Variants in SOX6 observed in about 807,000 individuals in gnomAD.
SOX6 encodes transcription factor SOX-6.
A neutral mutation model predicts 97.8 loss-of-function variants in SOX6; 11 were observed. The ratio of observed to expected loss-of-function variants is 0.11; its 90% CI spans 0.07 to 0.19. The LOEUF (loss-of-function observed/expected upper bound fraction) is 0.19. SOX6 is among the 10% of genes least tolerant of loss of function. The probability of loss-of-function intolerance (pLI) is 1.00; values close to 1 mark genes in which losing one functional copy is unlikely to be tolerated. For missense variants in SOX6, 810 were observed against 1,039.5 expected (o/e 0.78, Z 3.04); for synonymous variants, 360 against 371.4 (o/e 0.97, Z 0.35).
At chr11:16,706,472 ATATATAT>A (rs1399314278) in intron 3 of SOX6, among the ~76,000 whole-genome samples, 3 of 16,510 alleles carry the variant, frequency 1.8e-4, no homozygotes, top group African/African-American at 1.4e-3. Flanking sequence ...AAAAAAAAAA[ATATATAT>A]ATATATATAT....
intron 4 of SOX6, 137 bp downstream of exon 4, chr11:16,234,444 TA>T: frequency 1.8e-6 from 1 of 560,524 alleles, no homozygotes; most frequent in Non-Finnish European, 3.1e-6. Context: ...CAGAAACCTA[TA>T]ATATTCACCC....
intron 3 of SOX6, among the ~76,000 whole-genome samples, chr11:16,292,507 GA>G (rs1204726081): frequency 6.6e-6 from 1 of 151,924 alleles, no homozygotes; most frequent in East Asian, 1.9e-4. Flanking sequence ...TAGAATAAGT[GA>G]AAAAAAGAAA....
At chr11:16,187,288 A>G (rs780742728) in intron 4 of SOX6, among the ~76,000 whole-genome samples, 9 of 152,162 alleles carry the variant, frequency 5.9e-5, no homozygotes, top group Non-Finnish European at 1.2e-4. Context: ...GATATTTAAT[A>G]TGAAAGATCA....
At chr11:16,082,463 C>A (rs1457512439) in intron 9 of SOX6, among the ~76,000 whole-genome samples, 1 of 152,130 alleles carries the variant, frequency 6.6e-6, no homozygotes, top group African/African-American at 2.4e-5. Context: ...AGTATCAAGG[C>A]CCATTCACTG....
At chr11:16,075,417 C>T (rs1454392450) in intron 9 of SOX6, among the ~76,000 whole-genome samples, 1 of 151,960 alleles carries the variant, frequency 6.6e-6, no homozygotes, top group Non-Finnish European at 1.5e-5. Context: ...CAATGTCCAT[C>T]AATAATAAAC....
At chr11:16,162,910 G>GA (rs1179831488) in intron 6 of SOX6, among the ~76,000 whole-genome samples, 1 of 151,310 alleles carries the variant, frequency 6.6e-6, no homozygotes, top group Non-Finnish European at 1.5e-5. Flanking sequence ...TAGGGAAAAT[G>GA]AAAAAAGGGA....
At chr11:16,656,716 T>C (rs1847721132) in intron 3 of SOX6, among the ~76,000 whole-genome samples, 1 of 152,228 alleles carries the variant, frequency 6.6e-6, no homozygotes, top group African/African-American at 2.4e-5. Flanking sequence ...TATATCTGTT[T>C]TCTGGCACTT....
intron 12 of SOX6, among the ~76,000 whole-genome samples, chr11:16,044,994 T>A (rs1855784477): frequency 6.7e-6 from 1 of 150,082 alleles, no homozygotes; most frequent in African/African-American, 2.5e-5. Flanking sequence ...CTATCTATCA[T>A]CTATGTATCT....
At chr11:16,280,516 A>ACCG (rs1854524221) in intron 3 of SOX6, among the ~76,000 whole-genome samples, 2 of 152,032 alleles carry the variant, frequency 1.3e-5, no homozygotes, top group Admixed American at 6.6e-5. Flanking sequence ...TTTGTGGCAA[A>ACCG]CCGCCAACAC....
At chr11:15,993,067 C>T (rs555370944) in intron 13 of SOX6, among the ~76,000 whole-genome samples, 5 of 151,786 alleles carry the variant, frequency 3.3e-5, no homozygotes, top group East Asian at 1.9e-4. Context: ...GAATTGTTGC[C>T]GCAGTAGAAA....
intron 3 of SOX6, among the ~76,000 whole-genome samples, chr11:16,293,674 A>C (rs1854981938): frequency 6.6e-6 from 1 of 152,120 alleles, no homozygotes; most frequent in Non-Finnish European, 1.5e-5. Context: ...ATTACAAAAG[A>C]AAAGAATAGA....
At chr11:16,064,585 C>T (rs554498738) in intron 9 of SOX6, among the ~76,000 whole-genome samples, 5 of 150,890 alleles carry the variant, frequency 3.3e-5, no homozygotes, top group Non-Finnish European at 5.9e-5. Context: ...GCCATATTAC[C>T]TCTGATGAAT....
intron 4 of SOX6, among the ~76,000 whole-genome samples, chr11:16,200,743 T>G (rs188782859): frequency 2.0e-5 from 3 of 152,320 alleles, no homozygotes; most frequent in Admixed American, 6.5e-5. Context: ...TACATCATTT[T>G]TATATTAGTT....
At chr11:16,531,890 A>G (rs1861241646) in intron 4 of SOX6, among the ~76,000 whole-genome samples, 2 of 151,902 alleles carry the variant, frequency 1.3e-5, no homozygotes, top group South Asian at 2.1e-4. Flanking sequence ...TTTTGTTTCA[A>G]ATATTTTTCC....
chr11:16,586,950 T>G (rs759384006), intron 4 of SOX6, among the ~76,000 whole-genome samples: 1 of 152,182 alleles, frequency 6.6e-6, no homozygotes, highest in Non-Finnish European at 1.5e-5. Context: ...ACATGAGAAT[T>G]GTGTAAAGTT....
At chr11:16,417,703 C>T in intron 1 of SOX6, among the ~76,000 whole-genome samples, 1 of 152,022 alleles carries the variant, frequency 6.6e-6, no homozygotes, top group East Asian at 1.9e-4. Context: ...GTTGAATGCC[C>T]CAACTATTTT....
At chr11:16,008,062 T>C (rs1854609474) in intron 13 of SOX6, among the ~76,000 whole-genome samples, 1 of 152,100 alleles carries the variant, frequency 6.6e-6, no homozygotes, top group African/African-American at 2.4e-5. Flanking sequence ...TAAAATGGTG[T>C]AGTCCTTGCA....
intron 3 of SOX6, among the ~76,000 whole-genome samples, chr11:16,240,250 C>G (rs1173213879): frequency 2.0e-5 from 3 of 147,062 alleles, no homozygotes; most frequent in Non-Finnish European, 4.5e-5. Flanking sequence ...AATGTTAATT[C>G]CAAAACCACT....
At chr11:16,320,971 G>A (rs2134306518) in intron 2 of SOX6, among the ~76,000 whole-genome samples, 2 of 152,218 alleles carry the variant, frequency 1.3e-5, no homozygotes, top group South Asian at 4.2e-4. Flanking sequence ...CCTTCCTCCA[G>A]GAAAGATGTT....
Sources: allele counts gnomAD v4.1 joint callset (sites outside exome capture counted in the v4.1 genomes callset), GRCh38; gene constraint gnomAD v4.1.1; transcripts MANE v1.5; gene names NCBI Gene and HGNC (gene_info 2026-07-23, HGNC 2026-07-21).